ANKRD17: variants seen among roughly 807,000 people sequenced by gnomAD.
ANKRD17 encodes ankyrin repeat domain 17, also known as ankyrin repeat domain-containing protein 17.
In ANKRD17, 19 loss-of-function variants were observed where a neutral mutation model predicts 229.7. That is an observed-to-expected ratio of 0.08 (90% CI 0.06 to 0.12). ANKRD17 has a LOEUF of 0.12. Among genes scored for constraint, ANKRD17 ranks in the 10% least tolerant of loss-of-function variants. ANKRD17 has a pLI of 1.00. For missense variants in ANKRD17, 2,176 were observed against 3,176.8 expected (o/e 0.68, Z 7.57); for synonymous variants, 1,112 against 1,146.1 (o/e 0.97, Z 0.60).
intron 1 of ANKRD17, among the ~76,000 whole-genome samples, chr4:73,246,135 A>T (rs1253757999): frequency 6.6e-6 from 1 of 152,228 alleles, no homozygotes; most frequent in Non-Finnish European, 1.5e-5. Context: ...CAGCAGTGAA[A>T]AGAGCATTCC....
chr4:73,220,212 C>T (rs1240660967), intron 1 of ANKRD17, among the ~76,000 whole-genome samples: 1 of 152,026 alleles, frequency 6.6e-6, no homozygotes, highest in Non-Finnish European at 1.5e-5. Flanking sequence ...AAAACATAAA[C>T]AGAACAAGAA....
intron 1 of ANKRD17, among the ~76,000 whole-genome samples, chr4:73,184,525 T>A (rs1426011499): frequency 2.2e-5 from 2 of 91,148 alleles, no homozygotes; most frequent in African/African-American, 4.5e-5. Flanking sequence ...CTAGACTTCC[T>A]CTCAAAAAAA....
rs1276616831 is a variant in ANKRD17 at position 73,139,438 on chromosome 4, T to C, written c.3085+93A>G. 5 of 1,446,894 alleles carry C rather than the reference T, an allele frequency of 3.5e-6. No individual in the cohort carries two copies. In the Admixed American group the frequency reaches 1.1e-4, roughly 33 times the overall value. The allele number at this position is 1,446,894 out of a possible 1,614,324, so 89.6% of individuals were successfully genotyped here. ...AGACATGAGTCAGTCCAAAAATAGT[T>C]CTCAAGTTGGGTAACGGCAAAAAAT... is the stretch of plus-strand genomic sequence containing the variant. On this transcript the variant is annotated intron_variant, in intron 15 of 33. Transcript: ENST00000358602.
intron 1 of ANKRD17, among the ~76,000 whole-genome samples, chr4:73,254,719 G>A (rs1189474131): frequency 6.6e-6 from 1 of 150,682 alleles, no homozygotes; most frequent in Non-Finnish European, 1.5e-5. Flanking sequence ...AGTGAGCCGA[G>A]ATCAGACTGT....
chr4:73,200,992 G>A (rs918510435), intron 1 of ANKRD17, among the ~76,000 whole-genome samples: 2 of 108,616 alleles, frequency 1.8e-5, no homozygotes, highest in Non-Finnish European at 3.5e-5. Flanking sequence ...ATGGGCGGGG[G>A]GGGGGGGAGA....
chr4:73,215,019 C>CT (rs1434698694), intron 1 of ANKRD17, among the ~76,000 whole-genome samples: 2 of 152,064 alleles, frequency 1.3e-5, no homozygotes, highest in South Asian at 2.1e-4. Context: ...TGGTAGCCAA[C>CT]TTTTTTTCAT....
At chr4:73,170,372 ATCCATC>A (rs565478483) in intron 2 of ANKRD17, among the ~76,000 whole-genome samples, 77 of 152,138 alleles carry the variant, frequency 5.1e-4, no homozygotes, top group Middle Eastern at 3.4e-3. Context: ...CCCTGGAAGG[ATCCATC>A]ACCTACTGAC....
At chr4:73,093,123 TAACTATTAGCTCTCCTATATAATGC>T (rs1436824747) in intron 28 of ANKRD17, among the ~76,000 whole-genome samples, 1 of 152,298 alleles carries the variant, frequency 6.6e-6, no homozygotes, top group East Asian at 1.9e-4. Context: ...AGGTATGATG[TAACTATTAGCTCTCCTATATAATGC>T]AAAGGGGCAT....
In ANKRD17 at chr4:73,091,777, T is replaced by A. The variant is rs571396540; in HGVS notation, c.5851A>T (p.Asn1951Tyr). The A allele has an allele frequency of 6.2e-7, 1 of 1,614,186 alleles. No homozygotes were observed. The highest frequency in any genetic ancestry group is 1.1e-5 in the South Asian group (1 of 91,086). ...ACCTGAGAACCACTGCTATTCTGAT[T>A]GCTATGGCGAGGCACCATGTGAGGC... ...PKPHMVPRHS[N>Y]QNSSGSQVNS... The change falls in exon 29 of 34, where the codon AAT becomes TAT. Residue 1951 changes from asparagine to tyrosine, a missense_variant. Asn to Tyr is a moderately radical substitution (Grantham distance 143). This residue lies in a region of ANKRD17 where 424 missense variants were observed against 454.0 expected (regional missense o/e 0.93). Coordinates refer to ENST00000358602, the MANE Select transcript of ANKRD17 (RefSeq NM_032217.5).
chr4:73,138,401 T>C (rs1729178206), intron 15 of ANKRD17, among the ~76,000 whole-genome samples: 1 of 152,158 alleles, frequency 6.6e-6, no homozygotes, highest in African/African-American at 2.4e-5. Context: ...ACTTTACAGA[T>C]ATTTTTAAGT....
chr4:73,149,406 G>A (rs1489418538), intron 7 of ANKRD17, among the ~76,000 whole-genome samples: 1 of 152,122 alleles, frequency 6.6e-6, no homozygotes, highest in South Asian at 2.1e-4. Context: ...GTTTAGAGAG[G>A]AAAAGAAGAA....
At chr4:73,200,415 A>C (rs1043336777) in intron 1 of ANKRD17, among the ~76,000 whole-genome samples, 1 of 152,152 alleles carries the variant, frequency 6.6e-6, no homozygotes, top group Non-Finnish European at 1.5e-5. Flanking sequence ...TGAGTAACAT[A>C]GTAAGATCCT....
chr4:73,229,512 A>C (rs1742839426), intron 1 of ANKRD17, among the ~76,000 whole-genome samples: 1 of 151,810 alleles, frequency 6.6e-6, no homozygotes, highest in Non-Finnish European at 1.5e-5. Context: ...TCAAAGTTAC[A>C]CCTCCTCTCA....
At chr4:73,170,504 AT>A (rs1328122095) in intron 2 of ANKRD17, among the ~76,000 whole-genome samples, 1 of 144,566 alleles carries the variant, frequency 6.9e-6, no homozygotes, top group Non-Finnish European at 1.5e-5. Flanking sequence ...ATTCCCAGCT[AT>A]GGTGGCAACA....
chr4:73,119,128 C>G (rs1445237244), intron 21 of ANKRD17, among the ~76,000 whole-genome samples: 1 of 151,978 alleles, frequency 6.6e-6, no homozygotes, highest in Non-Finnish European at 1.5e-5. Context: ...CTCAAGTAAT[C>G]CTCCTGCCTC....
chr4:73,236,607 T>A (rs1445311956), intron 1 of ANKRD17, among the ~76,000 whole-genome samples: 1 of 152,024 alleles, frequency 6.6e-6, no homozygotes, highest in Non-Finnish European at 1.5e-5. Flanking sequence ...TTCATTATAA[T>A]CTAACTAAAG....
At chr4:73,195,282 ATTT>A (rs1327267725) in intron 1 of ANKRD17, among the ~76,000 whole-genome samples, 7 of 152,040 alleles carry the variant, frequency 4.6e-5, no homozygotes, top group African/African-American at 7.2e-5. Context: ...TTCTATTAGG[ATTT>A]TTTATCTATG....
At chr4:73,136,850 G>A (rs568367439) in intron 15 of ANKRD17, among the ~76,000 whole-genome samples, 12 of 151,694 alleles carry the variant, frequency 7.9e-5, no homozygotes, top group South Asian at 2.1e-4. Flanking sequence ...CAGTCTGTCC[G>A]AATCACTAAA....
chr4:73,102,129 T>G (rs9999324), intron 25 of ANKRD17, among the ~76,000 whole-genome samples: 1 of 151,946 alleles, frequency 6.6e-6, no homozygotes, highest in Non-Finnish European at 1.5e-5. Flanking sequence ...TAAAAAAAAT[T>G]TTTTTCCTTT....
Sources: allele counts gnomAD v4.1 joint callset (sites outside exome capture counted in the v4.1 genomes callset), GRCh38; gene constraint gnomAD v4.1.1; regional missense constraint gnomAD v4.1.1; transcripts MANE v1.5; gene names NCBI Gene and HGNC (gene_info 2026-07-23, HGNC 2026-07-21).